Variants in WWTR1 observed in about 807,000 individuals in gnomAD.
The protein encoded by WWTR1 is WW domain-containing transcription regulator protein 1.
In WWTR1, 13 loss-of-function variants were observed where a neutral mutation model predicts 40.1. The observed-to-expected ratio is 0.32, with a 90% CI of 0.21 to 0.52. The LOEUF is 0.52. Ranked by LOEUF, WWTR1 falls within the 20% of genes least tolerant of loss-of-function variation. The probability of loss-of-function intolerance (pLI) is 0.97; values close to 1 mark genes in which losing one functional copy is unlikely to be tolerated. For synonymous variants in WWTR1, 230 were observed against 210.1 expected (o/e 1.09, Z -0.82); for missense variants, 436 against 523.1 (o/e 0.83, Z 1.63).
At chr3:149,628,991 C>T (rs1308432088) in intron 2 of WWTR1, among the ~76,000 whole-genome samples, 1 of 152,090 alleles carries the variant, frequency 6.6e-6, no homozygotes, top group Admixed American at 6.6e-5. Context: ...AGGCTAGTCT[C>T]GAACTCCTGG....
At chr3:149,591,906 G>A (rs1004429229) in intron 2 of WWTR1, among the ~76,000 whole-genome samples, 8 of 152,174 alleles carry the variant, frequency 5.3e-5, no homozygotes, top group Non-Finnish European at 1.2e-4. Flanking sequence ...GTAGGAGAAA[G>A]AATTAGTGAA....
At chr3:149,641,987 A>G (rs1267474738) in intron 2 of WWTR1, among the ~76,000 whole-genome samples, 1 of 152,230 alleles carries the variant, frequency 6.6e-6, no homozygotes, top group Non-Finnish European at 1.5e-5. Context: ...ACTTTTTTAA[A>G]AGCCTAGGTA....
chr3:149,601,508 A>G (rs150434944), intron 2 of WWTR1, among the ~76,000 whole-genome samples: 1 of 152,288 alleles, frequency 6.6e-6, no homozygotes, highest in African/African-American at 2.4e-5. Context: ...AAGTGGATGC[A>G]TATTTCAAAC....
chr3:149,662,399 A>G (rs1042616161), upstream of WWTR1, among the ~76,000 whole-genome samples: 72 of 152,192 alleles, frequency 4.7e-4, no homozygotes, highest in African/African-American at 1.7e-3. Flanking sequence ...AAATCTTTCC[A>G]TTTGCAAACA....
At chr3:149,658,663 T>G (rs1576628581), upstream of WWTR1, 1 of 152,314 alleles carries the variant, frequency 6.6e-6, no homozygotes, top group Admixed American at 6.5e-5. Flanking sequence ...GCACAGACGG[T>G]GCCCAGAAAG....
At chr3:149,542,115 C>T (rs114132276) in intron 4 of WWTR1, among the ~76,000 whole-genome samples, 6,883 of 152,304 alleles carry the variant, frequency 0.045, 210 homozygotes, top group Middle Eastern at 0.075. Flanking sequence ...GGCAGCCATG[C>T]TAATACAGCT....
chr3:149,597,432 C>CAAAAAAAA (rs1253950023), intron 2 of WWTR1, among the ~76,000 whole-genome samples: 1 of 51,846 alleles, frequency 1.9e-5, no homozygotes, highest in African/African-American at 4.6e-5. Context: ...CCCAGCTCTA[C>CAAAAAAAA]AAAAAAAAAA....
At chr3:149,605,580 G>A (rs1739447909) in intron 2 of WWTR1, among the ~76,000 whole-genome samples, 1 of 152,168 alleles carries the variant, frequency 6.6e-6, no homozygotes, top group Non-Finnish European at 1.5e-5. Flanking sequence ...TTGCCTTTGA[G>A]GTGACTGTGG....
chr3:149,558,864 A>T (rs1200686521), intron 3 of WWTR1, among the ~76,000 whole-genome samples: 1 of 152,232 alleles, frequency 6.6e-6, no homozygotes, highest in African/African-American at 2.4e-5. Context: ...CCTCAATCAC[A>T]TCCTGGGCCA....
At chr3:149,552,460 A>G (rs1165434614) in intron 3 of WWTR1, among the ~76,000 whole-genome samples, 1 of 151,432 alleles carries the variant, frequency 6.6e-6, no homozygotes, top group Non-Finnish European at 1.5e-5. Context: ...CAAGATGAGA[A>G]CTGAGAAAAA....
chr3:149,626,223 T>C (rs137881299), intron 2 of WWTR1, among the ~76,000 whole-genome samples: 1 of 152,260 alleles, frequency 6.6e-6, no homozygotes, highest in Non-Finnish European at 1.5e-5. Context: ...AATAAGTTAA[T>C]CCCACTCTGT....
chr3:149,543,395 A>C (rs1180597838), intron 3 of WWTR1, among the ~76,000 whole-genome samples: 1 of 152,022 alleles, frequency 6.6e-6, no homozygotes, highest in Non-Finnish European at 1.5e-5. Context: ...ATCCTGGCCA[A>C]CATGGTGAAA....
Position 149,591,564 on chromosome 3 carries a change from T to C in WWTR1, c.432-18564A>G, listed in dbSNP as rs567909069. On this transcript the variant is annotated intron_variant, in intron 2 of 6. Transcript: ENST00000360632. ...GTAATTACTTAACTAAAATTCAAGA[T>C]GTACATTCACTTTTCCTAAATTTTC... Among the ~76,000 whole-genome samples the C allele has an allele frequency of 1.7e-3, 255 of 152,306 alleles. 2 individuals are homozygous for C. Among genetic ancestry groups the C allele is most frequent in the African/African-American group, 5.7e-3 (235 of 41,574 alleles).
At chr3:149,637,461 C>A (rs984819499) in intron 2 of WWTR1, among the ~76,000 whole-genome samples, 2 of 151,920 alleles carry the variant, frequency 1.3e-5, no homozygotes, top group African/African-American at 2.4e-5. Flanking sequence ...GAACTCCTAA[C>A]CTCAGGTAAT....
intron 2 of WWTR1, among the ~76,000 whole-genome samples, chr3:149,594,427 A>G (rs1470508860): frequency 6.6e-6 from 1 of 152,234 alleles, no homozygotes; most frequent in Admixed American, 6.5e-5. Flanking sequence ...TTGAATATGT[A>G]CTGGATATTA....
At chr3:149,705,455 T>C (rs993361424), upstream of WWTR1, among the ~76,000 whole-genome samples, 3 of 152,206 alleles carry the variant, frequency 2.0e-5, no homozygotes, top group African/African-American at 7.2e-5. Context: ...AATCATGAAC[T>C]TGTAGTTGTA....
At chr3:149,541,178 C>T (rs1183227310) in intron 4 of WWTR1, 1 of 341,056 alleles carries the variant, frequency 2.9e-6, no homozygotes, top group Non-Finnish European at 5.7e-6. Flanking sequence ...TGAAGCTTTT[C>T]TCCCCAAAAA....
chr3:149,620,068 G>A (rs906214684), intron 2 of WWTR1, among the ~76,000 whole-genome samples: 3 of 152,122 alleles, frequency 2.0e-5, no homozygotes, highest in African/African-American at 7.2e-5. Flanking sequence ...CACTCTTATA[G>A]AAAAACGCTT....
rs867364226 is a variant in WWTR1 at position 149,628,285 on chromosome 3, G to T, written c.431+28591C>A. 1.1e-4 allele frequency among the ~76,000 whole-genome samples: 16 copies of T among 152,288 alleles called. No individual in the cohort carries two copies. The South Asian group carries it at 3.3e-3, about 32-fold the overall frequency. ...CTCGGGAGGCTGAGGCAGGAGAATG[G>T]TGTGGACCCGGGAGGCAGAGCTTGC... On this transcript the variant is annotated intron_variant, in intron 2 of 6. Coordinates refer to ENST00000360632, the MANE Select transcript of WWTR1 (RefSeq NM_015472.6).
Sources: allele counts gnomAD v4.1 joint callset (sites outside exome capture counted in the v4.1 genomes callset), GRCh38; gene constraint gnomAD v4.1.1; transcripts MANE v1.5; gene names NCBI Gene and HGNC (gene_info 2026-07-23, HGNC 2026-07-21).